The following BTBD8 variants were observed in gnomAD, a reference collection of about 807,000 sequenced individuals.
BTBD8 encodes BTB domain containing 8, also known as BTB/POZ domain-containing protein 8.
A neutral mutation model predicts 162.9 loss-of-function variants in BTBD8; 110 were observed. The ratio of observed to expected loss-of-function variants is 0.68; its 90% CI spans 0.58 to 0.79. BTBD8 has a LOEUF of 0.79. BTBD8 is among the 30% of genes least tolerant of loss of function. The probability of loss-of-function intolerance (pLI) is 0.00; values close to 1 mark genes in which losing one functional copy is unlikely to be tolerated. For missense variants in BTBD8, 1,905 were observed against 2,085.4 expected, an observed-to-expected ratio of 0.91 and a Z score of 1.68; for synonymous variants, 667 against 716.1, an observed-to-expected ratio of 0.93 and a Z score of 1.10.
At chr1:92,130,803 A>C (rs187411553) in intron 5 of BTBD8, among the ~76,000 whole-genome samples, 1 of 152,228 alleles carries the variant, frequency 6.6e-6, no homozygotes, top group African/African-American at 2.4e-5. Context: ...CCCAGGTTCA[A>C]GTGATTTTCC....
intron 9 of BTBD8, among the ~76,000 whole-genome samples, chr1:92,157,931 A>G (rs1650197368): frequency 6.6e-6 from 1 of 152,178 alleles, no homozygotes; most frequent in African/African-American, 2.4e-5. Context: ...TGCAGGGTGC[A>G]TATATGTTTA....
At chr1:92,103,338 A>G (rs6660858) in intron 3 of BTBD8, among the ~76,000 whole-genome samples, 5,100 of 152,324 alleles carry the variant, frequency 0.033, 211 homozygotes, top group African/African-American at 0.1. Flanking sequence ...CAGTCAACAT[A>G]TCTAATTATG....
chr1:92,116,217 T>C (rs1273503161), intron 4 of BTBD8, among the ~76,000 whole-genome samples: 1 of 152,118 alleles, frequency 6.6e-6, no homozygotes, highest in East Asian at 1.9e-4. Context: ...TATATTATTT[T>C]AGTTTTGTTT....
Position 92,182,364 on chromosome 1 carries a change from A to G in BTBD8, c.4681A>G (p.Asn1561Asp). ...REDKKVNNGS[N>D]VENDIQQRSK... ...AGATAAAAAAGTAAACAATGGAAGC[A>G]ATGTGGAAAATGACATTCAGCAACG... Residue 1561 changes from asparagine (N) to aspartate (D), a missense_variant, in exon 17 of 18, where the codon AAT becomes GAT. Physicochemically the swap from Asn to Asp is conservative, Grantham distance 23. Around this residue, in one of 3 missense-constraint regions of BTBD8, gnomAD observed 517 missense variants for 606.6 expected, o/e 0.85. Transcript: ENST00000636805. The G allele has an allele frequency of 7.7e-6, 12 of 1,550,354 alleles. No homozygotes were observed. Among genetic ancestry groups the G allele is most frequent in the Non-Finnish European group, 1.0e-5 (12 of 1,146,606 alleles).
Position 92,180,980 on chromosome 1 carries a change from A to G in BTBD8, c.3297A>G (p.Glu1099=). 1 of 1,551,768 alleles carries G rather than the reference A, an allele frequency of 6.4e-7. No individual in the cohort carries two copies. Residue 1099 remains glutamate, a synonymous_variant, in exon 17 of 18, where the codon GAA becomes GAG. Coordinates refer to ENST00000636805, the MANE Select transcript of BTBD8 (RefSeq NM_001376131.1). ...AATACATGGTTTCAAATCCAAATGA[A>G]AACTCCTTGAACTCTAATCCAGTTT... is the stretch of plus-strand genomic sequence containing the variant. ...ALKYMVSNPN[E]NSLNSNPVCD... is the part of the protein sequence containing the mutation.
At chr1:92,177,947 G>T in intron 15 of BTBD8, 49 bp downstream of exon 15, 1 of 889,780 alleles carries the variant, frequency 1.1e-6, no homozygotes, top group East Asian at 2.7e-5. Context: ...TTCTCTCAAA[G>T]TTAATTATAT....
chr1:92,175,816 G>GA (rs574464568), intron 13 of BTBD8, among the ~76,000 whole-genome samples: 1 of 149,234 alleles, frequency 6.7e-6, no homozygotes, highest in Non-Finnish European at 1.5e-5. Flanking sequence ...AAAAAAGAAA[G>GA]AAAAAAAAGA....
intron 1 of BTBD8, among the ~76,000 whole-genome samples, chr1:92,085,474 C>T (rs563601129): frequency 5.9e-5 from 9 of 152,222 alleles, no homozygotes; most frequent in African/African-American, 2.2e-4. Flanking sequence ...CACCTGTACT[C>T]CCAGTTACTC....
intron 17 of BTBD8, among the ~76,000 whole-genome samples, chr1:92,183,042 A>G (rs1212771198): frequency 6.6e-6 from 1 of 152,100 alleles, no homozygotes; most frequent in Non-Finnish European, 1.5e-5. Context: ...TAACAACTAG[A>G]TTGATTATTA....
chr1:92,130,539 T>TACACACACACACACACAC (rs59796834), intron 5 of BTBD8, among the ~76,000 whole-genome samples: 5 of 131,124 alleles, frequency 3.8e-5, no homozygotes, highest in African/African-American at 1.4e-4. Context: ...TATATATATT[T>TACACACACACACACACAC]ACACACACAC....
At chr1:92,172,078 C>T (rs529866850) in intron 13 of BTBD8, among the ~76,000 whole-genome samples, 5 of 151,890 alleles carry the variant, frequency 3.3e-5, no homozygotes, top group South Asian at 2.1e-4. Flanking sequence ...GTGACAAGAG[C>T]GAAACTCCAT....
In BTBD8 at chr1:92,130,621, A is replaced by G. The variant is rs555649908; in HGVS notation, c.752+845A>G. Reference sequence around the variant, plus strand: ...ACAGTATATATTTTATATAACTTAAAGTATCTCCAGTTATCTCAAAAGGAT... The same window carrying G: ...ACAGTATATATTTTATATAACTTAAGGTATCTCCAGTTATCTCAAAAGGAT... On this transcript the variant is annotated intron_variant, in intron 5 of 17. Coordinates refer to ENST00000636805, the MANE Select transcript of BTBD8 (RefSeq NM_001376131.1). Among the ~76,000 whole-genome samples the G allele has an allele frequency of 3.3e-5, 5 of 152,150 alleles. No individual in the cohort carries two copies. In the East Asian group the frequency reaches 9.7e-4, roughly 29 times the overall value.
intron 4 of BTBD8, among the ~76,000 whole-genome samples, chr1:92,124,259 C>CT (rs1028536310): frequency 2.0e-5 from 3 of 151,938 alleles, no homozygotes; most frequent in Non-Finnish European, 4.4e-5. Context: ...GCATGCTTTC[C>CT]TTTTTTTTGC....
chr1:92,092,180 C>T (rs1389336384), intron 2 of BTBD8, among the ~76,000 whole-genome samples: 1 of 151,968 alleles, frequency 6.6e-6, no homozygotes, highest in Admixed American at 6.6e-5. Flanking sequence ...GCAGGTGGAT[C>T]GCTTGAGTCC....
chr1:92,100,951 G>A (rs1467617821), intron 2 of BTBD8, among the ~76,000 whole-genome samples: 2 of 152,018 alleles, frequency 1.3e-5, no homozygotes, highest in African/African-American at 4.8e-5. Flanking sequence ...ATAGGTTTGT[G>A]GGGGAACAGG....
chr1:92,162,398 C>A (rs573714341), intron 9 of BTBD8, among the ~76,000 whole-genome samples: 1 of 152,328 alleles, frequency 6.6e-6, no homozygotes, highest in African/African-American at 2.4e-5. Flanking sequence ...GTTAATATTT[C>A]ATTGTTCTGT....
chr1:92,082,609 A>G (rs1394769013), intron 1 of BTBD8, among the ~76,000 whole-genome samples: 1 of 152,202 alleles, frequency 6.6e-6, no homozygotes. Flanking sequence ...CAGAAATTTG[A>G]AAGAGCTTGA....
At chr1:92,168,208 G>A (rs1226177) in intron 11 of BTBD8, among the ~76,000 whole-genome samples, 5,439 of 152,078 alleles carry the variant, frequency 0.036, 108 homozygotes, top group African/African-American at 0.038. Flanking sequence ...TTAGAAATTG[G>A]CAGTTTGGCT....
At chr1:92,108,855 C>G (rs552547245) in intron 4 of BTBD8, among the ~76,000 whole-genome samples, 1 of 152,242 alleles carries the variant, frequency 6.6e-6, no homozygotes, top group African/African-American at 2.4e-5. Context: ...CAGAAAGAGC[C>G]AGAGTATTTG....
Sources: gnomAD v4.1 joint callset for allele counts (sites outside exome capture counted in the v4.1 genomes callset) on GRCh38, gnomAD v4.1.1 for gene constraint, gnomAD v4.1.1 regional missense constraint, MANE v1.5 for transcripts, NCBI Gene and HGNC (gene_info 2026-07-23, HGNC 2026-07-21) for gene names.